MIAT: variants seen among roughly 807,000 people sequenced by gnomAD.
MIAT encodes MI related novel mRNA.
intron 2 of MIAT, among the ~76,000 whole-genome samples, chr22:26,658,904 T>G (rs1291984791): frequency 1.3e-5 from 2 of 152,198 alleles, no homozygotes; most frequent in Non-Finnish European, 2.9e-5. Context: ...CTCAGTGCTT[T>G]GCAAAGCGCA....
chr22:26,675,943 A>C (rs752626226), exon 5 of MIAT: 2 of 398,628 alleles, frequency 5.0e-6, no homozygotes, highest in Non-Finnish European at 8.8e-6. Context: ...TGAGATTCTA[A>C]GAGTGTGTGT....
At chr22:26,673,189 G>T, downstream of MIAT, 1 of 398,728 alleles carries the variant, frequency 2.5e-6, no homozygotes, top group Non-Finnish European at 4.4e-6. Context: ...AGATGCTCAG[G>T]CCGGCCAGGA....
chr22:26,657,457 C>T (rs932929626), intron 2 of MIAT: 5 of 398,600 alleles, frequency 1.3e-5, no homozygotes, highest in African/African-American at 4.1e-5. Context: ...GCCGCTCCCG[C>T]ATTAAAATTT....
chr22:26,647,494 C>T (rs547655513), intron 2 of MIAT, among the ~76,000 whole-genome samples: 1 of 151,710 alleles, frequency 6.6e-6, no homozygotes, highest in East Asian at 1.9e-4. Context: ...AGGAGCGGGG[C>T]CCCAGTCAAT....
At chr22:26,657,634 C>T (rs1284484313) in intron 2 of MIAT, 2 of 398,652 alleles carry the variant, frequency 5.0e-6, no homozygotes, top group African/African-American at 2.1e-5. Flanking sequence ...TGCACTAGCG[C>T]CGCAGGACCG....
At chr22:26,669,615 G>T (rs1930971953) in exon 6 of MIAT, 1 of 398,512 alleles carries the variant, frequency 2.5e-6, no homozygotes, top group Non-Finnish European at 4.4e-6. Flanking sequence ...TATGCATTTG[G>T]GGGAGGGGAC....
intron 5 of MIAT, chr22:26,667,570 C>A: frequency 3.1e-6 from 1 of 325,490 alleles, no homozygotes; most frequent in Non-Finnish European, 5.6e-6. Flanking sequence ...GCCCATGATG[C>A]TCCTGGAGCT....
chr22:26,656,962 T>C (rs1291435042), intron 2 of MIAT, among the ~76,000 whole-genome samples: 1 of 152,234 alleles, frequency 6.6e-6, no homozygotes, highest in East Asian at 1.9e-4. Flanking sequence ...CCTATAAATG[T>C]TGTTAGGCCA....
chr22:26,670,602 T>TA (rs34401113), downstream of MIAT: 27,443 of 304,572 alleles, frequency 0.09, 1,520 homozygotes, highest in African/African-American at 0.14. Flanking sequence ...CATTGCTCCT[T>TA]AAAAAAAAAA....
At chr22:26,652,587 A>T (rs1930354741) in intron 2 of MIAT, among the ~76,000 whole-genome samples, 1 of 151,950 alleles carries the variant, frequency 6.6e-6, no homozygotes, top group Admixed American at 6.6e-5. Context: ...CAAACTCCTG[A>T]TCTTGTGATC....
At chr22:26,661,963 C>CACAT (rs1930692562) in intron 2 of MIAT, among the ~76,000 whole-genome samples, 3 of 37,042 alleles carry the variant, frequency 8.1e-5, no homozygotes, top group Non-Finnish European at 1.9e-4. Context: ...TATATATATA[C>CACAT]ACACACACAC....
At chr22:26,657,784 A>C (rs1930516183) in intron 2 of MIAT, 1 of 397,846 alleles carries the variant, frequency 2.5e-6, no homozygotes, top group Admixed American at 4.4e-5. Context: ...TCAGGGATGC[A>C]ACGCCGCCTG....
rs558142940 is a variant in MIAT, at chr22:26,667,400, ATG to A, written n.2262+97_2262+98del. The A allele has an allele frequency of 3.5e-4, 134 of 381,954 alleles. 2 individuals are homozygous for A. Among genetic ancestry groups the A allele is most frequent in the African/African-American group, 2.4e-3 (112 of 45,898 alleles). The allele number at this position is 381,954 out of a possible 1,614,324, so 23.7% of individuals were successfully genotyped here. A position where few individuals can be genotyped will look rare whatever the true frequency, so the allele number is the denominator to read the frequency against. On this transcript the variant is annotated intron_variant and non_coding_transcript_variant, in intron 5 of 5. Coordinates refer to ENST00000643270, the Ensembl canonical transcript of MIAT. ...TGCCTGTGTGTGTGTGCATGCGTGCATGTGTGTGCGCGTGTATGTGTGTGTAT... is the reference window on the plus strand; with the variant it reads ...TGCCTGTGTGTGTGTGCATGCGTGCATGTGTGCGCGTGTATGTGTGTGTAT...
intron 2 of MIAT, among the ~76,000 whole-genome samples, chr22:26,656,704 A>G (rs1303756960): frequency 3.3e-5 from 5 of 152,070 alleles, no homozygotes; most frequent in Admixed American, 1.3e-4. Flanking sequence ...TAGCATCCCT[A>G]CTCTAGAAAA....
exon 6 of MIAT, chr22:26,668,888 T>C (rs1930949681): frequency 2.5e-6 from 1 of 398,514 alleles, no homozygotes; most frequent in Admixed American, 4.4e-5. Context: ...GAGTGCACCA[T>C]CCTGAAAAGA....
At position 26,652,115 on chromosome 22, in the gene MIAT, G is replaced by A. The variant is rs140700132; in HGVS notation, n.646+4804G>A. On this transcript the variant is annotated intron_variant and non_coding_transcript_variant, in intron 2 of 5. Coordinates refer to ENST00000643270, the Ensembl canonical transcript of MIAT. ...CTCAAGTGATCCTCTTTGCTCAGCC[G>A]TCCACGTAGCTGGGACCACAGGCAC... Among the ~76,000 whole-genome samples, 1,059 of 152,130 alleles carry A rather than the reference G, an allele frequency of 7.0e-3. 6 individuals carry two copies. The highest frequency in any genetic ancestry group is 0.012 in the Non-Finnish European group (783 of 67,990).
At chr22:26,660,255 T>C (rs796623983) in intron 2 of MIAT, among the ~76,000 whole-genome samples, 15 of 151,406 alleles carry the variant, frequency 9.9e-5, no homozygotes, top group African/African-American at 3.4e-4. Flanking sequence ...GTGGATCACC[T>C]GAGGTCAGGA....
chr22:26,664,256 C>T (rs1035963656), intron 3 of MIAT, among the ~76,000 whole-genome samples: 1 of 152,066 alleles, frequency 6.6e-6, no homozygotes, highest in Non-Finnish European at 1.5e-5. Context: ...GAGTGGTCGC[C>T]TCGGCCTCCC....
chr22:26,647,793 G>A (rs1390773609), intron 2 of MIAT, among the ~76,000 whole-genome samples: 10 of 152,070 alleles, frequency 6.6e-5, no homozygotes, highest in African/African-American at 2.4e-4. Flanking sequence ...GATGTTGGGG[G>A]CCAGGACCAT....
Sources: gnomAD v4.1 joint callset for allele counts (sites outside exome capture counted in the v4.1 genomes callset) on GRCh38, gnomAD v4.1.1 for gene constraint, MANE v1.5 for transcripts, NCBI Gene and HGNC (gene_info 2026-07-23, HGNC 2026-07-21) for gene names.